KSR1: variants seen among roughly 807,000 people sequenced by gnomAD.
The protein encoded by KSR1 is kinase suppressor of ras.
A neutral mutation model predicts 92.9 loss-of-function variants in KSR1; 35 were observed. That is an observed-to-expected ratio of 0.38 (90% CI 0.29 to 0.50). KSR1 has a LOEUF of 0.50. KSR1 is among the 20% of genes least tolerant of loss of function. The probability of loss-of-function intolerance (pLI) is 0.94; values close to 1 mark genes in which losing one functional copy is unlikely to be tolerated. For missense variants in KSR1, 972 were observed against 1,158.5 expected (o/e 0.84, Z 2.34); for synonymous variants, 467 against 472.6 (o/e 0.99, Z 0.15).
chr17:27,611,322 C>T, intron 17 of KSR1, 172 bp from the exon 18 acceptor site: 1 of 733,042 alleles, frequency 1.4e-6, no homozygotes, highest in Non-Finnish European at 2.2e-6. Context: ...CCCAGGTCCT[C>T]TAGGGCTGGG....
chr17:27,501,278 TAATTTC>T (rs373072188), intron 1 of KSR1, among the ~76,000 whole-genome samples: 2 of 140,444 alleles, frequency 1.4e-5, no homozygotes, highest in Non-Finnish European at 3.1e-5. Context: ...TTTTTTTTTT[TAATTTC>T]TTTTCTTCTT....
intron 2 of KSR1, among the ~76,000 whole-genome samples, chr17:27,574,874 CA>C (rs1258415916): frequency 6.6e-6 from 1 of 152,030 alleles, no homozygotes; most frequent in South Asian, 2.1e-4. Flanking sequence ...GGGTTAAAGA[CA>C]AAAAAAGGTC....
At chr17:27,555,340 C>G (rs946522840) in intron 2 of KSR1, among the ~76,000 whole-genome samples, 2 of 152,286 alleles carry the variant, frequency 1.3e-5, no homozygotes, top group South Asian at 2.1e-4. Flanking sequence ...TTTATTCATT[C>G]AGTCATTTAT....
chr17:27,465,263 G>C (rs935027731), intron 1 of KSR1: 5 of 152,228 alleles, frequency 3.3e-5, no homozygotes, highest in Non-Finnish European at 7.3e-5. Context: ...TTGGTGGGCA[G>C]TAGTGTGTTT....
chr17:27,483,291 A>G (rs1387925722), intron 1 of KSR1, among the ~76,000 whole-genome samples: 1 of 152,250 alleles, frequency 6.6e-6, no homozygotes, highest in Admixed American at 6.5e-5. Flanking sequence ...GTTGTGAGGT[A>G]GAAATCACAG....
rs771240772 is a variant in KSR1, at chr17:27,577,511, C to G, written c.392C>G (p.Thr131Arg). 1.1e-5 allele frequency: 18 copies of G among 1,587,536 alleles called. 1 individual carries two copies. Among genetic ancestry groups the G allele is most frequent in the Admixed American group, 1.7e-5 (1 of 57,994 alleles). The change falls in exon 3 of 21, where the codon ACG (threonine) becomes AGG (arginine). Residue 131 changes from threonine to arginine, a missense_variant. Transcript: ENST00000644974. This position sits in a 1 kb window ranked among gnomAD's most constrained non-coding sequence, Gnocchi z 4.5. The part of the protein sequence containing the change: ...EVVQEIPRDL[T>R]LDALLEMNEA... ...CCTTAGGAGATCCCCCGAGACCTCA[C>G]GCTGGATGCCCTGCTGGAGATGAAT...
intron 1 of KSR1, among the ~76,000 whole-genome samples, chr17:27,511,948 T>C (rs921485785): frequency 4.6e-5 from 7 of 152,226 alleles, no homozygotes; most frequent in African/African-American, 1.4e-4. Context: ...ATACTCTGAT[T>C]GATGTGGACT....
intron 1 of KSR1, among the ~76,000 whole-genome samples, chr17:27,488,698 G>T (rs1374122110): frequency 6.6e-6 from 1 of 152,180 alleles, no homozygotes; most frequent in Non-Finnish European, 1.5e-5. Flanking sequence ...AGGCGCAGTG[G>T]CTCACGCCTG....
Position 27,605,507 on chromosome 17 carries a change from G to T in KSR1, c.1688G>T (p.Arg563Leu). Residue 563 changes from arginine to leucine, a missense_variant, in exon 14 of 21, where the codon CGC (arginine) becomes CTC (leucine). Around this residue, in one of 5 missense-constraint regions of KSR1, gnomAD observed 611 missense variants for 668.0 expected, o/e 0.91. Coordinates refer to ENST00000644974, the MANE Select transcript of KSR1 (RefSeq NM_001394583.1). ...EDEVDDLPSS[R>L]RPWRGPISRK... is the part of the protein sequence containing the mutation. Reference sequence around the variant, plus strand: ...GAGGTGGACGACTTGCCGAGCTCTCGCCGGCCCTGGCGGGGCCCCATCTCT... The same window carrying T: ...GAGGTGGACGACTTGCCGAGCTCTCTCCGGCCCTGGCGGGGCCCCATCTCT... 1 of 1,600,818 alleles carries T rather than the reference G, an allele frequency of 6.2e-7. No individual in the cohort carries two copies. Among genetic ancestry groups the T allele is most frequent in the Non-Finnish European group, 8.5e-7 (1 of 1,174,638 alleles).
At chr17:27,611,301 A>G in intron 17 of KSR1, 193 bp from the exon 18 acceptor site, 1 of 626,158 alleles carries the variant, frequency 1.6e-6, no homozygotes, top group Non-Finnish European at 2.7e-6. Flanking sequence ...CCACCCAACG[A>G]GAGCACAGGG....
intron 1 of KSR1, among the ~76,000 whole-genome samples, chr17:27,485,206 T>TC (rs2068630592): frequency 6.6e-6 from 1 of 152,194 alleles, no homozygotes; most frequent in Non-Finnish European, 1.5e-5. Flanking sequence ...CTCACATGAG[T>TC]CATCTCCTGG....
intron 1 of KSR1, among the ~76,000 whole-genome samples, chr17:27,513,319 G>A (rs547853291): frequency 4.9e-4 from 74 of 152,050 alleles, no homozygotes; most frequent in Non-Finnish European, 7.8e-4. Flanking sequence ...GGCTAGATGC[G>A]GTGGCTCATG....
intron 9 of KSR1, among the ~76,000 whole-genome samples, chr17:27,594,381 C>T (rs2073269902): frequency 6.6e-6 from 1 of 152,038 alleles, no homozygotes; most frequent in Admixed American, 6.5e-5. Flanking sequence ...CCTGCCTCTC[C>T]TCTCCAGCTA....
chr17:27,593,900 C>A (rs2073253370), intron 9 of KSR1, among the ~76,000 whole-genome samples: 1 of 152,228 alleles, frequency 6.6e-6, no homozygotes, highest in South Asian at 2.1e-4. Flanking sequence ...CGTGCCGCAT[C>A]CTCCCATGGT....
At chr17:27,611,723 G>T (rs1349404401) in intron 18 of KSR1, 94 bp downstream of exon 18, 1 of 1,475,630 alleles carries the variant, frequency 6.8e-7, no homozygotes, top group Non-Finnish European at 9.3e-7. Context: ...TGAGAAATGG[G>T]GTCGGTGAGG....
intron 9 of KSR1, among the ~76,000 whole-genome samples, chr17:27,597,024 C>A (rs2073365623): frequency 6.6e-6 from 1 of 152,208 alleles, no homozygotes; most frequent in Non-Finnish European, 1.5e-5. Flanking sequence ...GCAGGAAAGG[C>A]TTCTGGGAAG....
At chr17:27,601,906 C>G in intron 11 of KSR1, 1 of 1,609,202 alleles carries the variant, frequency 6.2e-7, no homozygotes, top group Non-Finnish European at 8.5e-7. Context: ...CATCTGCTGG[C>G]CATTGCTGGA....
Position 27,596,270 on chromosome 17 carries a change from G to A in KSR1, c.1300-998G>A, listed in dbSNP as rs78720290. Among the ~76,000 whole-genome samples the A allele has an allele frequency of 5.9e-3, 904 of 152,316 alleles. 4 individuals are homozygous for A. The highest frequency in any genetic ancestry group is 9.8e-3 in the Non-Finnish European group (667 of 68,028). The stretch of plus-strand genomic sequence containing the variant: ...GAATGGGCAATGAGCCAGTGTTGGA[G>A]AGGCATTAAAGACATAGCAGCTCAG... On this transcript the variant is annotated intron_variant, in intron 9 of 20. Coordinates refer to ENST00000644974, the MANE Select transcript of KSR1 (RefSeq NM_001394583.1).
At chr17:27,490,490 C>A (rs566235253) in intron 1 of KSR1, among the ~76,000 whole-genome samples, 1 of 152,186 alleles carries the variant, frequency 6.6e-6, no homozygotes, top group South Asian at 2.1e-4. Context: ...TGAAATCTTA[C>A]ATGGAAAGCC....
Sources: allele counts gnomAD v4.1 joint callset (sites outside exome capture counted in the v4.1 genomes callset), GRCh38; gene constraint gnomAD v4.1.1; regional missense constraint gnomAD v4.1.1; non-coding constraint Gnocchi (gnomAD v3.1); transcripts MANE v1.5; gene names NCBI Gene and HGNC (gene_info 2026-07-23, HGNC 2026-07-21).